Variants in IQCM observed in about 807,000 individuals in gnomAD.
The protein encoded by IQCM is IQ domain-containing protein M.
Under a neutral mutation model 57.6 loss-of-function variants are expected in IQCM, and 45 were observed. The ratio of observed to expected loss-of-function variants is 0.78; its 90% confidence interval spans 0.62 to 1.00. The LOEUF (loss-of-function observed/expected upper bound fraction) is 1.00, where lower values mean the gene tolerates loss of function less well. IQCM is among the 50% of genes least tolerant of loss of function. IQCM has a pLI of 0.00. For synonymous variants in IQCM, 148 were observed against 158.9 expected (o/e 0.93, Z 0.51); for missense variants, 468 against 511.6 (o/e 0.91, Z 0.82).
At chr4:149,536,160 T>C (rs1306502517) in intron 12 of IQCM, among the ~76,000 whole-genome samples, 1 of 152,062 alleles carries the variant, frequency 6.6e-6, no homozygotes, top group African/African-American at 2.4e-5. Flanking sequence ...CTACTGACAA[T>C]ATTGATTTAT....
intron 5 of IQCM, among the ~76,000 whole-genome samples, chr4:149,702,625 G>A (rs1763857810): frequency 6.6e-6 from 1 of 151,822 alleles, no homozygotes; most frequent in Non-Finnish European, 1.5e-5. Context: ...AGACCCACTG[G>A]TAAGCATGAA....
chr4:149,420,621 C>T (rs1004549086), intron 13 of IQCM, among the ~76,000 whole-genome samples: 2 of 151,850 alleles, frequency 1.3e-5, no homozygotes, highest in Non-Finnish European at 2.9e-5. Context: ...TGCACATGGA[C>T]CCCAGAACTT....
intron 13 of IQCM, among the ~76,000 whole-genome samples, chr4:149,421,672 TAC>T (rs1339773533): frequency 6.6e-6 from 1 of 151,994 alleles, no homozygotes; most frequent in African/African-American, 2.4e-5. Context: ...ATGCAAATGC[TAC>T]AGCTAAATAA....
At chr4:149,432,446 A>G (rs1467638271) in intron 13 of IQCM, among the ~76,000 whole-genome samples, 8 of 152,014 alleles carry the variant, frequency 5.3e-5, no homozygotes, top group Non-Finnish European at 1.2e-4. Context: ...TGTGATATCA[A>G]AGTATTAAAA....
At position 149,524,740 on chromosome 4, in the gene IQCM, T is replaced by C. The variant is rs148662946; in HGVS notation, c.1228+23715A>G. Among the ~76,000 whole-genome samples the C allele has an allele frequency of 4.1e-4, 62 of 151,894 alleles. No homozygotes were observed. In the East Asian group the frequency reaches 0.01, roughly 26 times the overall value. On this transcript the variant is annotated intron_variant, in intron 12 of 13. Transcript: ENST00000636793. The stretch of plus-strand genomic sequence containing the variant: ...TAGTGGTTTAAAATAATTAATCCCA[T>C]AGAAAATCTTTGCAAGCTTTCAAAG...
chr4:149,625,113 C>T (rs1039543903), intron 7 of IQCM, among the ~76,000 whole-genome samples: 1 of 152,176 alleles, frequency 6.6e-6, no homozygotes, highest in Non-Finnish European at 1.5e-5. Flanking sequence ...TGACAAATAG[C>T]ATCTTAATCA....
At chr4:149,730,404 T>C (rs1766348707) in intron 5 of IQCM, among the ~76,000 whole-genome samples, 1 of 152,154 alleles carries the variant, frequency 6.6e-6, no homozygotes, top group Non-Finnish European at 1.5e-5. Context: ...AAAATGCAAA[T>C]ATTATCACTG....
intron 12 of IQCM, among the ~76,000 whole-genome samples, chr4:149,457,514 T>C (rs1737825256): frequency 6.6e-6 from 1 of 152,030 alleles, no homozygotes; most frequent in African/African-American, 2.4e-5. Flanking sequence ...GTATAATAAA[T>C]TGAAATAATT....
At chr4:149,368,783 TGTATATATATAC>T (rs1560778774) in intron 13 of IQCM, among the ~76,000 whole-genome samples, 1 of 77,236 alleles carries the variant, frequency 1.3e-5, no homozygotes, top group Non-Finnish European at 2.7e-5. Flanking sequence ...TATATATACA[TGTATATATATAC>T]ATATATATAC....
chr4:149,453,401 G>C (rs1737347653), intron 12 of IQCM, among the ~76,000 whole-genome samples: 1 of 151,584 alleles, frequency 6.6e-6, no homozygotes, highest in African/African-American at 2.4e-5. Flanking sequence ...CAAAAAACAG[G>C]CTTCAAAGGA....
At chr4:149,808,075 C>G (rs994730548) in intron 2 of IQCM, among the ~76,000 whole-genome samples, 1 of 151,962 alleles carries the variant, frequency 6.6e-6, no homozygotes, top group African/African-American at 2.4e-5. Context: ...GAGCATATTT[C>G]CAAAAGAAAG....
intron 3 of IQCM, among the ~76,000 whole-genome samples, chr4:149,742,004 C>T (rs1767501537): frequency 6.6e-6 from 1 of 151,876 alleles, no homozygotes; most frequent in Admixed American, 6.6e-5. Context: ...ATGTAATTTA[C>T]ATGTAATTTA....
chr4:149,427,381 TTGTAAA>T (rs1337030434), intron 13 of IQCM, among the ~76,000 whole-genome samples: 1 of 152,012 alleles, frequency 6.6e-6, no homozygotes, highest in African/African-American at 2.4e-5. Context: ...TGGTGGATTG[TTGTAAA>T]TGTACAACTC....
At chr4:149,401,132 A>C (rs968510600) in intron 13 of IQCM, among the ~76,000 whole-genome samples, 1 of 151,656 alleles carries the variant, frequency 6.6e-6, no homozygotes, top group Non-Finnish European at 1.5e-5. Flanking sequence ...CAAAAACCTT[A>C]CAACCAGGAG....
Position 149,742,750 on chromosome 4 carries a change from GT to G in IQCM, c.-48-12del. ...TGTGAGCTCCAAGTCCTTAAACACA[GT>G]TACATTAAGTAATTCAGTGATGATA... On this transcript the variant is annotated splice_polypyrimidine_tract_variant and intron_variant, in intron 2 of 13. Coordinates refer to ENST00000636793, the MANE Select transcript of IQCM (RefSeq NM_001363507.2). 1 of 1,030,544 alleles carries G rather than the reference GT, an allele frequency of 9.7e-7. No individual in the cohort carries two copies. Among genetic ancestry groups the G allele is most frequent in the South Asian group, 4.9e-5 (1 of 20,308 alleles). The allele number at this position is 1,030,544 out of a possible 1,614,324, so 63.8% of individuals were successfully genotyped here.
chr4:149,634,494 T>C (rs1757559684), intron 7 of IQCM, among the ~76,000 whole-genome samples: 1 of 152,190 alleles, frequency 6.6e-6, no homozygotes, highest in Non-Finnish European at 1.5e-5. Context: ...ATGGATGACA[T>C]CTAAAATTAA....
chr4:149,648,787 T>C (rs933914407), intron 7 of IQCM, among the ~76,000 whole-genome samples: 2 of 151,992 alleles, frequency 1.3e-5, no homozygotes, highest in Admixed American at 6.6e-5. Flanking sequence ...TTAGCAGATA[T>C]ACCTAATGTA....
At chr4:149,542,447 G>C (rs1379652084) in intron 12 of IQCM, among the ~76,000 whole-genome samples, 2 of 152,002 alleles carry the variant, frequency 1.3e-5, no homozygotes, top group East Asian at 3.9e-4. Context: ...TCTGCACATA[G>C]TAGAATGGAA....
At chr4:149,622,899 T>G (rs747381344) in intron 7 of IQCM, among the ~76,000 whole-genome samples, 1 of 152,294 alleles carries the variant, frequency 6.6e-6, no homozygotes, top group South Asian at 2.1e-4. Flanking sequence ...CTTTCCAATC[T>G]CATTTTGAAT....
Sources: allele counts gnomAD v4.1 joint callset (sites outside exome capture counted in the v4.1 genomes callset), GRCh38; gene constraint gnomAD v4.1.1; transcripts MANE v1.5; gene names NCBI Gene and HGNC (gene_info 2026-07-23, HGNC 2026-07-21).